The following THSD7B variants were observed in gnomAD, a reference collection of about 807,000 sequenced individuals.
The protein encoded by THSD7B is thrombospondin type 1 domain containing 7B, also known as thrombospondin type-1 domain-containing protein 7B.
A neutral mutation model predicts 213.6 loss-of-function variants in THSD7B; 138 were observed. That is an observed-to-expected ratio of 0.65 (90% CI 0.56 to 0.74). The LOEUF is 0.74. Among genes scored for constraint, THSD7B ranks in the 30% least tolerant of loss-of-function variants. The pLI is 0.00. For synonymous variants in THSD7B, 742 were observed against 687.0 expected (o/e 1.08, Z -1.25); for missense variants, 1,931 against 1,991.5 (o/e 0.97, Z 0.58).
At chr2:137,506,468 T>C (rs943071030) in intron 15 of THSD7B, among the ~76,000 whole-genome samples, 5 of 152,240 alleles carry the variant, frequency 3.3e-5, no homozygotes, top group African/African-American at 1.2e-4. Context: ...TGGAAACCAA[T>C]TAAAACAAGT....
At chr2:137,403,608 G>A (rs190814770) in intron 12 of THSD7B, among the ~76,000 whole-genome samples, 39 of 152,276 alleles carry the variant, frequency 2.6e-4, no homozygotes, top group Non-Finnish European at 4.1e-4. Flanking sequence ...ATGGGTAGTC[G>A]GTAGACAGGG....
intron 12 of THSD7B, among the ~76,000 whole-genome samples, chr2:137,394,167 T>G (rs200821724): frequency 0.65 from 56,551 of 86,374 alleles, 21,845 homozygotes; most frequent in East Asian, 0.85. Flanking sequence ...TTAGTTTAAT[T>G]AGATCCCATT....
chr2:137,024,597 C>G (rs1686509936), intron 2 of THSD7B, among the ~76,000 whole-genome samples: 2 of 152,024 alleles, frequency 1.3e-5, no homozygotes, highest in African/African-American at 4.8e-5. Context: ...CACCTTATTT[C>G]ATTATAATAA....
intron 12 of THSD7B, among the ~76,000 whole-genome samples, chr2:137,391,693 A>G (rs1408670278): frequency 7.0e-6 from 1 of 143,398 alleles, no homozygotes; most frequent in African/African-American, 2.6e-5. Context: ...TCTCAAAAAA[A>G]AAAAAAAACC....
intron 1 of THSD7B, among the ~76,000 whole-genome samples, chr2:136,828,705 T>C (rs1266797098): frequency 6.6e-6 from 1 of 152,238 alleles, no homozygotes; most frequent in Non-Finnish European, 1.5e-5. Flanking sequence ...CCTTTGCACA[T>C]GCTATACTCA....
chr2:137,518,207 A>G (rs922364791), intron 15 of THSD7B, among the ~76,000 whole-genome samples: 2 of 152,058 alleles, frequency 1.3e-5, no homozygotes, highest in African/African-American at 4.8e-5. Flanking sequence ...CCTCATGGGG[A>G]GTTCCCTATG....
At chr2:137,016,711 T>C (rs1473232454) in intron 2 of THSD7B, among the ~76,000 whole-genome samples, 6 of 152,214 alleles carry the variant, frequency 3.9e-5, no homozygotes, top group Non-Finnish European at 2.9e-5. Flanking sequence ...TGTCTAGACA[T>C]GTTAATGCAC....
In THSD7B at chr2:137,618,842, A is replaced by AGGT. The variant is rs557328787; in HGVS notation, c.3681+337_3681+339dup. On this transcript the variant is annotated intron_variant, in intron 19 of 27. Transcript: ENST00000409968. ...TAAATGTGATTCTTTTGTATTGGAC[A>AGGT]GGTGATTCATTTGCATATGTGATAA... Among the ~76,000 whole-genome samples, 78 of 152,356 alleles carry AGGT rather than the reference A, an allele frequency of 5.1e-4. 2 individuals are homozygous for AGGT. In the East Asian group the frequency reaches 7.1e-3, roughly 14 times the overall value.
intron 2 of THSD7B, among the ~76,000 whole-genome samples, chr2:137,028,821 AT>A (rs1558892626): frequency 6.6e-6 from 1 of 152,100 alleles, no homozygotes; most frequent in Admixed American, 6.5e-5. Context: ...CAGGTAAATG[AT>A]TCTTTGATTC....
At chr2:136,874,648 G>A (rs1337748403) in intron 1 of THSD7B, among the ~76,000 whole-genome samples, 1 of 152,214 alleles carries the variant, frequency 6.6e-6, no homozygotes, top group Admixed American at 6.5e-5. Flanking sequence ...AATGAAATGC[G>A]TATGAAGTGT....
At chr2:137,383,831 C>T (rs990375539) in intron 12 of THSD7B, among the ~76,000 whole-genome samples, 1 of 152,178 alleles carries the variant, frequency 6.6e-6, no homozygotes, top group Admixed American at 6.5e-5. Flanking sequence ...TGCCCACCAA[C>T]ACCCCTCAGA....
At chr2:137,269,983 G>A (rs1682695078) in intron 10 of THSD7B, among the ~76,000 whole-genome samples, 1 of 152,200 alleles carries the variant, frequency 6.6e-6, no homozygotes, top group Admixed American at 6.6e-5. Context: ...AGGATGAGAA[G>A]TGTTAGGGTA....
chr2:137,655,977 T>C (rs1015774376), intron 22 of THSD7B, among the ~76,000 whole-genome samples: 4 of 152,174 alleles, frequency 2.6e-5, no homozygotes, highest in African/African-American at 7.2e-5. Context: ...ACTGTGATGT[T>C]AATTCCGTAT....
chr2:137,031,222 G>T (rs576211625), intron 2 of THSD7B, among the ~76,000 whole-genome samples: 1 of 152,192 alleles, frequency 6.6e-6, no homozygotes, highest in African/African-American at 2.4e-5. Flanking sequence ...CGGGTTGCCT[G>T]TAATCCCAGC....
Position 137,231,207 on chromosome 2 carries a change from A to G in THSD7B, c.1887A>G (p.Ser629=). 6.2e-7 allele frequency: 1 copy of G among 1,612,418 alleles called. No individual in the cohort carries two copies. The highest frequency in any genetic ancestry group is 8.5e-7 in the Non-Finnish European group (1 of 1,179,102). The change falls in exon 8 of 28, where the codon TCA becomes TCG. Residue 629 remains serine (S), a synonymous_variant. Transcript: ENST00000409968. ...ACTCAGATGGGAAACAGACCAGGTC[A>G]AGAACTATCCTGGCACTGGCTGGGG... The part of the protein sequence containing the change: ...NKNSDGKQTR[S]RTILALAGEG...
At chr2:136,897,281 C>T (rs976024499) in intron 2 of THSD7B, among the ~76,000 whole-genome samples, 40 of 152,212 alleles carry the variant, frequency 2.6e-4, no homozygotes, top group African/African-American at 9.4e-4. Flanking sequence ...GTGAGTGTTG[C>T]AGTTCTTAAA....
At chr2:137,194,422 C>T (rs185359030) in intron 7 of THSD7B, among the ~76,000 whole-genome samples, 10 of 152,312 alleles carry the variant, frequency 6.6e-5, no homozygotes, top group Admixed American at 4.6e-4. Context: ...AAAACCCACA[C>T]ATGATCTGAG....
intron 17 of THSD7B, among the ~76,000 whole-genome samples, chr2:137,587,498 G>A (rs541693090): frequency 3.3e-5 from 5 of 152,238 alleles, no homozygotes; most frequent in East Asian, 1.9e-4. Context: ...TGATAGTGAC[G>A]TACAGATGGG....
chr2:136,909,747 T>A (rs902413498), intron 2 of THSD7B, among the ~76,000 whole-genome samples: 16 of 152,252 alleles, frequency 1.1e-4, no homozygotes, highest in Non-Finnish European at 1.5e-4. Context: ...TGTTTGAAAT[T>A]ACTAAATCAG....
Sources: allele counts gnomAD v4.1 joint callset (sites outside exome capture counted in the v4.1 genomes callset), GRCh38; gene constraint gnomAD v4.1.1; transcripts MANE v1.5; gene names NCBI Gene and HGNC (gene_info 2026-07-23, HGNC 2026-07-21).